The following SYNE1 variants were observed in gnomAD, a reference collection of about 807,000 sequenced individuals.
SYNE1 encodes the protein nesprin-1.
Under a neutral mutation model 1,111.0 loss-of-function variants are expected in SYNE1, and 616 were observed. That is an observed-to-expected ratio of 0.55 (90% CI 0.52 to 0.59). The LOEUF is 0.59. Among genes scored for constraint, SYNE1 ranks in the 20% least tolerant of loss-of-function variants. SYNE1 has a pLI of 0.00. For missense variants in SYNE1, 10,006 were observed against 10,417.0 expected (o/e 0.96, Z 1.72); for synonymous variants, 3,855 against 3,825.8 (o/e 1.01, Z -0.28).
chr6:152,257,244 T>A (rs1413957169), intron 101 of SYNE1, among the ~76,000 whole-genome samples: 1 of 151,918 alleles, frequency 6.6e-6, no homozygotes, highest in Admixed American at 6.6e-5. Context: ...ACAAATAAAA[T>A]AAAGCAGGCC....
At chr6:152,259,871 T>TA (rs1240257015) in intron 101 of SYNE1, among the ~76,000 whole-genome samples, 1 of 152,064 alleles carries the variant, frequency 6.6e-6, no homozygotes, top group Non-Finnish European at 1.5e-5. Flanking sequence ...AAAATGTCAT[T>TA]AAAAAAAGAA....
chr6:152,328,572 A>AT (rs67478287), intron 78 of SYNE1, among the ~76,000 whole-genome samples: 17,713 of 143,500 alleles, frequency 0.12, 1,823 homozygotes, highest in East Asian at 0.63. Context: ...AACCCAGCTA[A>AT]TTTTTTTTTT....
Position 152,310,622 on chromosome 6 carries a change from G to C in SYNE1, c.16896+66C>G, listed in dbSNP as rs563478565. On this transcript the variant is annotated intron_variant, in intron 88 of 145. Coordinates refer to ENST00000367255, the MANE Select transcript of SYNE1 (RefSeq NM_182961.4). The stretch of plus-strand genomic sequence containing the variant: ...ATCACAGGTGAGCACTATTTCCATA[G>C]TGGCATTGCCATTTTCTTTCAATGA... 5 of 1,609,428 alleles carry C rather than the reference G, an allele frequency of 3.1e-6. No homozygotes were observed. In the African/African-American group the frequency reaches 5.3e-5, roughly 17 times the overall value.
At chr6:152,205,804 G>GA (rs962265960) in intron 126 of SYNE1, among the ~76,000 whole-genome samples, 1 of 152,152 alleles carries the variant, frequency 6.6e-6, no homozygotes, top group Non-Finnish European at 1.5e-5. Flanking sequence ...TACCAATCTT[G>GA]AAAACCACTT....
chr6:152,584,982 T>C (rs745323508), intron 3 of SYNE1, among the ~76,000 whole-genome samples: 10 of 152,178 alleles, frequency 6.6e-5, no homozygotes, highest in Non-Finnish European at 1.2e-4. Flanking sequence ...ATCCAAATCT[T>C]ATCTTGAATT....
chr6:152,254,002 C>T (rs187709567), intron 104 of SYNE1, among the ~76,000 whole-genome samples: 18 of 151,406 alleles, frequency 1.2e-4, no homozygotes, highest in African/African-American at 4.3e-4. Context: ...GAAAAATCAG[C>T]ACTAAAAGTT....
At chr6:152,274,753 C>T (rs140538375) in intron 98 of SYNE1, among the ~76,000 whole-genome samples, 2,006 of 152,172 alleles carry the variant, frequency 0.013, 51 homozygotes, top group African/African-American at 0.046. Context: ...CCCACCACCA[C>T]ACCTGGCTAA....
chr6:152,198,721 G>A (rs1428885184), intron 127 of SYNE1, among the ~76,000 whole-genome samples: 1 of 152,162 alleles, frequency 6.6e-6, no homozygotes, highest in African/African-American at 2.4e-5. Flanking sequence ...AACATTGTTG[G>A]TGGAGCAATC....
At chr6:152,197,531 T>C (rs1462084005) in intron 127 of SYNE1, among the ~76,000 whole-genome samples, 2 of 152,242 alleles carry the variant, frequency 1.3e-5, no homozygotes, top group African/African-American at 2.4e-5. Flanking sequence ...CCTTGATCCA[T>C]GGGCTACAGG....
intron 24 of SYNE1, among the ~76,000 whole-genome samples, chr6:152,454,225 A>AGCACACATGTGCACACATAG (rs1564141924): frequency 3.7e-4 from 50 of 133,940 alleles, no homozygotes; most frequent in East Asian, 8.0e-4. Context: ...TGCACACAGA[A>AGCACACATGTGCACACATAG]GCACACATGT....
chr6:152,627,572 C>T (rs548038044), intron 3 of SYNE1, among the ~76,000 whole-genome samples: 59 of 151,792 alleles, frequency 3.9e-4, no homozygotes, highest in African/African-American at 1.4e-3. Context: ...GGAGGAGAAT[C>T]GCTTGAACAG....
At chr6:152,430,791 G>T in intron 34 of SYNE1, 82 bp from the exon 35 acceptor site, 3 of 1,304,592 alleles carry the variant, frequency 2.3e-6, no homozygotes, top group Non-Finnish European at 3.3e-6. Flanking sequence ...TGCAAAGAGG[G>T]AATATTTTCT....
At chr6:152,339,479 G>T (rs2096484654) in intron 74 of SYNE1, 113 bp from the exon 75 acceptor site, 8 of 1,446,798 alleles carry the variant, frequency 5.5e-6, no homozygotes, top group Non-Finnish European at 7.6e-6. Context: ...GCTATGCTCA[G>T]TGTTTTCACC....
chr6:152,301,016 T>G (rs947161311), intron 92 of SYNE1, among the ~76,000 whole-genome samples: 1 of 152,210 alleles, frequency 6.6e-6, no homozygotes, highest in Non-Finnish European at 1.5e-5. Context: ...GACATTGAAG[T>G]TTTGTTGTTG....
At chr6:152,518,925 A>G (rs1450449656) in intron 6 of SYNE1, among the ~76,000 whole-genome samples, 1 of 151,168 alleles carries the variant, frequency 6.6e-6, no homozygotes, top group African/African-American at 2.4e-5. Flanking sequence ...ATAAACATAT[A>G]CAATTGAACA....
intron 42 of SYNE1, among the ~76,000 whole-genome samples, chr6:152,410,907 A>C (rs1233843991): frequency 1.3e-5 from 2 of 152,244 alleles, no homozygotes; most frequent in Non-Finnish European, 2.9e-5. Flanking sequence ...CAGGTCAATA[A>C]TTAAATAAAT....
intron 73 of SYNE1, 87 bp from the exon 74 acceptor site, chr6:152,344,314 C>CA: frequency 6.4e-7 from 1 of 1,553,384 alleles, no homozygotes; most frequent in Admixed American, 1.8e-5. Context: ...ATGACCAGTA[C>CA]ATCTAAATGG....
At chr6:152,417,298 A>G (rs919095697) in intron 40 of SYNE1, among the ~76,000 whole-genome samples, 31 of 152,186 alleles carry the variant, frequency 2.0e-4, no homozygotes, top group African/African-American at 7.2e-4. Flanking sequence ...GGAGATCGAA[A>G]CCATCCTGGC....
chr6:152,211,989 C>T (rs114956286), intron 123 of SYNE1, among the ~76,000 whole-genome samples: 43 of 152,094 alleles, frequency 2.8e-4, no homozygotes, highest in African/African-American at 9.4e-4. Flanking sequence ...TAGTCTTTTT[C>T]TGTCTTTTAA....
Sources: allele counts gnomAD v4.1 joint callset (sites outside exome capture counted in the v4.1 genomes callset), GRCh38; gene constraint gnomAD v4.1.1; transcripts MANE v1.5; gene names NCBI Gene and HGNC (gene_info 2026-07-23, HGNC 2026-07-21).